MUSK: variants seen among roughly 807,000 people sequenced by gnomAD.
MUSK encodes muscle associated receptor tyrosine kinase, also known as muscle, skeletal receptor tyrosine-protein kinase.
A neutral mutation model predicts 88.7 loss-of-function variants in MUSK; 55 were observed. That is an observed-to-expected ratio of 0.62 (90% CI 0.50 to 0.78). The LOEUF (loss-of-function observed/expected upper bound fraction) is 0.78, where lower values mean the gene tolerates loss of function less well. Ranked by LOEUF, MUSK falls within the 30% of genes least tolerant of loss-of-function variation. The pLI, the probability that MUSK is intolerant of heterozygous loss-of-function variation, is 0.00. For synonymous variants in MUSK, 387 were observed against 391.9 expected, an observed-to-expected ratio of 0.99 and a Z score of 0.15; for missense variants, 1,015 against 1,074.3, an observed-to-expected ratio of 0.94 and a Z score of 0.77.
At chr9:110,782,018 G>A (rs2077768962) in intron 11 of MUSK, among the ~76,000 whole-genome samples, 1 of 152,164 alleles carries the variant, frequency 6.6e-6, no homozygotes, top group East Asian at 1.9e-4. Flanking sequence ...CAAGCATCGT[G>A]TTCTTACTAC....
intron 11 of MUSK, among the ~76,000 whole-genome samples, chr9:110,780,571 G>A (rs1394096190): frequency 6.6e-6 from 1 of 152,192 alleles, no homozygotes; most frequent in Non-Finnish European, 1.5e-5. Context: ...GAAGCCTTGT[G>A]TGTTATCAAA....
chr9:110,719,159 A>C (rs926856493), intron 5 of MUSK, among the ~76,000 whole-genome samples: 5 of 152,020 alleles, frequency 3.3e-5, no homozygotes, highest in Admixed American at 3.3e-4. Context: ...ACAGTAACAC[A>C]ATGAAAACAA....
In MUSK at chr9:110,736,980, T is replaced by C. The variant is rs144903181; in HGVS notation, c.753+2605T>C. On this transcript the variant is annotated intron_variant, in intron 6 of 14. Transcript: ENST00000374448. ...AGTTCTTTTATATCTTAATTTATTA[T>C]ATCTCTTATTAGACTCTTAAGGGCA... is the stretch of plus-strand genomic sequence containing the variant. 9.3e-3 allele frequency among the ~76,000 whole-genome samples: 1,409 copies of C among 152,204 alleles called. 19 individuals are homozygous for C. Among genetic ancestry groups the C allele is most frequent in the African/African-American group, 0.031 (1,300 of 41,562 alleles).
chr9:110,781,374 T>C (rs972307518), intron 11 of MUSK, among the ~76,000 whole-genome samples: 1 of 152,190 alleles, frequency 6.6e-6, no homozygotes, highest in Admixed American at 6.5e-5. Flanking sequence ...CCTCCCGGGT[T>C]CACGCCATCC....
chr9:110,689,191 CAT>C (rs1338079042), intron 3 of MUSK, among the ~76,000 whole-genome samples: 766 of 13,810 alleles, frequency 0.055, 17 homozygotes, highest in African/African-American at 0.24. Flanking sequence ...ATAAATATAT[CAT>C]ATATATATTC....
At chr9:110,697,927 C>G (rs1228453180) in intron 5 of MUSK, among the ~76,000 whole-genome samples, 2 of 151,122 alleles carry the variant, frequency 1.3e-5, no homozygotes, top group Admixed American at 1.3e-4. Context: ...AACATTAACT[C>G]AAATCGTAAA....
intron 1 of MUSK, among the ~76,000 whole-genome samples, chr9:110,681,153 T>C (rs1438582431): frequency 1.4e-5 from 1 of 71,626 alleles, no homozygotes; most frequent in East Asian, 2.7e-4. Context: ...CGTTATAATA[T>C]ATATTATAAA....
chr9:110,790,297 A>G (rs1341270970), intron 14 of MUSK, among the ~76,000 whole-genome samples: 1 of 152,124 alleles, frequency 6.6e-6, no homozygotes, highest in Non-Finnish European at 1.5e-5. Flanking sequence ...AGCTCAAAAG[A>G]AGAGGAAGAG....
chr9:110,680,857 C>T (rs1426097832), intron 1 of MUSK, among the ~76,000 whole-genome samples: 1 of 142,846 alleles, frequency 7.0e-6, no homozygotes, highest in Non-Finnish European at 1.5e-5. Flanking sequence ...TGTATTAGTG[C>T]CTGTCACTGT....
rs781462535 is a variant in MUSK, at chr9:110,762,218, T to A, written c.920+10T>A. The A allele has an allele frequency of 3.5e-6, 5 of 1,426,710 alleles. No individual in the cohort carries two copies. The highest frequency in any genetic ancestry group is 3.0e-5 in the African/African-American group (2 of 66,472). The allele number at this position is 1,426,710 out of a possible 1,614,324, so 88.4% of individuals were successfully genotyped here. A position where few individuals can be genotyped will look rare whatever the true frequency, so the allele number is the denominator to read the frequency against. ...TGTTAATAGAATGGAGGTAAGAAAC[T>A]GTTATTGTAACAATTGTTTCCAATG... On this transcript the variant is annotated intron_variant, in intron 8 of 14. Coordinates refer to ENST00000374448, the MANE Select transcript of MUSK (RefSeq NM_005592.4).
At chr9:110,771,161 C>CTT (rs34185224) in intron 9 of MUSK, among the ~76,000 whole-genome samples, 10,352 of 96,422 alleles carry the variant, frequency 0.11, 1,148 homozygotes, top group Non-Finnish European at 0.13. Flanking sequence ...TCATTTCCTT[C>CTT]TTTTTTTTTT....
intron 5 of MUSK, among the ~76,000 whole-genome samples, chr9:110,725,538 G>C (rs971385985): frequency 6.6e-6 from 1 of 151,958 alleles, no homozygotes; most frequent in African/African-American, 2.4e-5. Flanking sequence ...TTATATCTCA[G>C]ATTAGTCCAA....
chr9:110,746,517 C>G (rs1454770169), intron 6 of MUSK, among the ~76,000 whole-genome samples: 2 of 152,076 alleles, frequency 1.3e-5, no homozygotes, highest in African/African-American at 4.8e-5. Context: ...TCTAACTATG[C>G]AACCTTGTAA....
Position 110,775,885 on chromosome 9 carries a change from T to C in MUSK, c.1282T>C (p.Leu428=), listed in dbSNP as rs2077663424. The part of the protein sequence containing the change: ...HRGLYRSEMH[L]LSVPECSKLP... Reference sequence around the variant, plus strand: ...AGGACTCTACAGATCCGAGATGCATTTGCTGTCCGTGCCAGAATGCAGCAA... The same window carrying C: ...AGGACTCTACAGATCCGAGATGCATCTGCTGTCCGTGCCAGAATGCAGCAA... Residue 428 remains leucine (L), a synonymous_variant, in exon 10 of 15, where the codon TTG becomes CTG. Coordinates refer to ENST00000374448, the MANE Select transcript of MUSK (RefSeq NM_005592.4). 6.2e-7 allele frequency: 1 copy of C among 1,613,832 alleles called. No individual in the cohort carries two copies. The highest frequency in any genetic ancestry group is 1.3e-5 in the African/African-American group (1 of 74,922).
At chr9:110,762,444 C>T (rs975568860) in intron 8 of MUSK, among the ~76,000 whole-genome samples, 1 of 152,156 alleles carries the variant, frequency 6.6e-6, no homozygotes, top group African/African-American at 2.4e-5. Context: ...AAGTGAAAGA[C>T]AGGTAACCTC....
chr9:110,687,403 C>T (rs1221706228), intron 3 of MUSK, 135 bp downstream of exon 3: 39 of 966,200 alleles, frequency 4.0e-5, no homozygotes, highest in Non-Finnish European at 5.6e-5. Context: ...GGCATGATCT[C>T]GGTTCACTGC....
rs771031640 is a variant in MUSK at position 110,784,898 on chromosome 9, C to T, written c.1468C>T (p.Pro490Ser). The T allele has an allele frequency of 6.2e-7, 1 of 1,613,892 alleles. No individual in the cohort carries two copies. The highest frequency in any genetic ancestry group is 8.5e-7 in the Non-Finnish European group (1 of 1,179,802). Residue 490 changes from proline (P) to serine (S), a missense_variant, in exon 12 of 15, where the codon CCT becomes TCT. By Grantham distance (74) the Pro-to-Ser change is moderately conservative. Transcript: ENST00000374448. The stretch of plus-strand genomic sequence containing the variant: ...CTCCTCTTCTTCCTTCTCTGTCTCA[C>T]CTACATACTCCATGACTGTAATAAT... ...SSSSSSFSVS[P>S]TYSMTVIISI...
chr9:110,789,728 G>A (rs958410313), intron 14 of MUSK, among the ~76,000 whole-genome samples: 2 of 152,018 alleles, frequency 1.3e-5, no homozygotes, highest in African/African-American at 2.4e-5. Context: ...GCAGTGAGCC[G>A]AGATTGTGCC....
At chr9:110,676,467 T>C (rs961825531) in intron 1 of MUSK, among the ~76,000 whole-genome samples, 4 of 151,752 alleles carry the variant, frequency 2.6e-5, no homozygotes, top group African/African-American at 4.8e-5. Flanking sequence ...ACGTGTGCCA[T>C]GGTGGTTTGC....
Sources: allele counts gnomAD v4.1 joint callset (sites outside exome capture counted in the v4.1 genomes callset), GRCh38; gene constraint gnomAD v4.1.1; transcripts MANE v1.5; gene names NCBI Gene and HGNC (gene_info 2026-07-23, HGNC 2026-07-21).